PSMB8: variants seen among roughly 807,000 people sequenced by gnomAD.
PSMB8 encodes the protein proteasome subunit beta type-8.
PSMB8 carries 20 observed loss-of-function variants against 32.3 expected under a neutral mutation model. That is an observed-to-expected ratio of 0.62 (90% CI 0.44 to 0.90). The LOEUF is 0.90. Ranked by LOEUF, PSMB8 falls within the 40% of genes least tolerant of loss-of-function variation. The pLI, the probability that PSMB8 is intolerant of heterozygous loss-of-function variation, is 0.00. For missense variants in PSMB8, 342 were observed against 365.4 expected (o/e 0.94, Z 0.52); for synonymous variants, 131 against 135.4 (o/e 0.97, Z 0.23).
At chr6:32,841,264 G>A (rs916589512) in intron 5 of PSMB8, among the ~76,000 whole-genome samples, 66 of 151,992 alleles carry the variant, frequency 4.3e-4, no homozygotes, top group African/African-American at 1.5e-3. Flanking sequence ...TTGAGAAGGA[G>A]TCTCACTCTG....
Position 32,843,909 on chromosome 6 carries a change from G to A in PSMB8, c.88C>T (p.Pro30Ser), listed in dbSNP as rs772454646. ...PVAGSGRRSD[P>S]GHYSFSMRSP... Reference sequence around the variant, plus strand: ...CGCATAGAGAAACTGTAGTGTCCTGGGTCCGAGCGACGCCCGCTTCCCGCA... The same window carrying A: ...CGCATAGAGAAACTGTAGTGTCCTGAGTCCGAGCGACGCCCGCTTCCCGCA... Residue 30 changes from proline to serine, a missense_variant, in exon 1 of 6, where the codon CCA becomes TCA. Coordinates refer to ENST00000374882, the MANE Select transcript of PSMB8 (RefSeq NM_148919.4). The A allele has an allele frequency of 6.2e-7, 1 of 1,612,748 alleles. No individual in the cohort carries two copies. Among genetic ancestry groups the A allele is most frequent in the South Asian group, 1.1e-5 (1 of 91,060 alleles).
chr6:32,841,137 C>T, intron 5 of PSMB8, 90 bp from the exon 6 acceptor site: 1 of 1,128,214 alleles, frequency 8.9e-7, no homozygotes, highest in Non-Finnish European at 1.4e-6. Context: ...CAACAAGACA[C>T]ATGCGCAAGC....
At chr6:32,842,582 AC>A in intron 3 of PSMB8, 89 bp downstream of exon 3, 1 of 1,188,478 alleles carries the variant, frequency 8.4e-7, no homozygotes, top group African/African-American at 1.5e-5. Flanking sequence ...ACTAAGATGG[AC>A]CACATAGGAC....
chr6:32,841,141 C>T (rs961866277), intron 5 of PSMB8, 94 bp from the exon 6 acceptor site: 48 of 1,112,726 alleles, frequency 4.3e-5, no homozygotes, highest in Non-Finnish European at 5.8e-5. Context: ...AAGACACATG[C>T]GCAAGCTTAA....
chr6:32,841,143 C>A (rs1323902760), intron 5 of PSMB8, 96 bp from the exon 6 acceptor site: 4 of 1,099,638 alleles, frequency 3.6e-6, no homozygotes, highest in African/African-American at 3.1e-5. Flanking sequence ...GACACATGCG[C>A]AAGCTTAAAA....
At chr6:32,841,487 G>A (rs111402990) in intron 5 of PSMB8, 44 bp downstream of exon 5, 11 of 1,581,882 alleles carry the variant, frequency 7.0e-6, no homozygotes, top group Admixed American at 1.7e-5. Context: ...CCCACCACCC[G>A]CCGACTCCTC....
rs1385051034 is a variant in PSMB8, at chr6:32,843,925, G to A, written c.72C>T (p.Ser24=). 6.2e-7 allele frequency: 1 copy of A among 1,612,576 alleles called. No homozygotes were observed. The highest frequency in any genetic ancestry group is 2.2e-5 in the East Asian group (1 of 44,866). The part of the protein sequence containing the change: ...RPESALPVAG[S]GRRSDPGHYS... ...AGTGTCCTGGGTCCGAGCGACGCCC[G>A]CTTCCCGCAACCGGGAGAGCCGATT... The change falls in exon 1 of 6, where the codon AGC becomes AGT. Residue 24 remains serine (S), a synonymous_variant. Transcript: ENST00000374882.
chr6:32,842,369 G>A, intron 3 of PSMB8, 106 bp from the exon 4 acceptor site: 3 of 1,429,030 alleles, frequency 2.1e-6, no homozygotes, highest in Non-Finnish European at 2.9e-6. Flanking sequence ...TTATTTTGTA[G>A]GATCTAAAGA....
chr6:32,842,920 C>A, intron 2 of PSMB8, 22 bp downstream of exon 2: 4 of 1,613,892 alleles, frequency 2.5e-6, no homozygotes, highest in Non-Finnish European at 3.4e-6. Flanking sequence ...CAGATTCTGC[C>A]TGCTGGAGCG....
At chr6:32,841,242 CT>C (rs573768322) in intron 5 of PSMB8, among the ~76,000 whole-genome samples, 195 bp from the exon 6 acceptor site, 21 of 152,050 alleles carry the variant, frequency 1.4e-4, no homozygotes, top group African/African-American at 2.4e-4. Context: ...CAATCATTTT[CT>C]TTTTTTTCTT....
upstream of PSMB8, chr6:32,844,367 C>A: frequency 6.2e-7 from 1 of 1,613,946 alleles, no homozygotes. Flanking sequence ...AGAAGTCAGC[C>A]AGGAGCTGGG....
rs1409482230 is a variant in PSMB8, at chr6:32,841,518, A to G, written c.742+13T>C. The G allele has an allele frequency of 6.2e-7, 1 of 1,610,816 alleles. No individual in the cohort carries two copies. Among genetic ancestry groups the G allele is most frequent in the East Asian group, 2.2e-5 (1 of 44,878 alleles). ...TCCTCCCAGGCATGGTGGTGGGAGC[A>G]TTGGTCTCTTACTATTGACAACGCC... is the stretch of plus-strand genomic sequence containing the variant. On this transcript the variant is annotated intron_variant, in intron 5 of 5. Coordinates refer to ENST00000374882, the MANE Select transcript of PSMB8 (RefSeq NM_148919.4).
intron 4 of PSMB8, 21 bp from the exon 5 acceptor site, chr6:32,841,756 G>T: frequency 6.2e-7 from 1 of 1,606,500 alleles, no homozygotes; most frequent in Non-Finnish European, 8.5e-7. Flanking sequence ...AAAGATTTCA[G>T]GCTGAAATTG....
Position 32,843,956 on chromosome 6 carries a change from C to A in PSMB8, c.41G>T (p.Arg14Leu), listed in dbSNP as rs777438232. The change falls in exon 1 of 6, where the codon CGG (arginine) becomes CTG (leucine). Residue 14 changes from arginine (R) to leucine (L), a missense_variant. By Grantham distance (102) the Arg-to-Leu change is moderately radical. Coordinates refer to ENST00000374882, the MANE Select transcript of PSMB8 (RefSeq NM_148919.4). ...LDVCGAPRGQ[R>L]PESALPVAGS... Reference sequence around the variant, plus strand: ...CGCAACCGGGAGAGCCGATTCCGGCCGCTGCCCTCGGGGGGCTCCGCATAC... The same window carrying A: ...CGCAACCGGGAGAGCCGATTCCGGCAGCTGCCCTCGGGGGGCTCCGCATAC... 1 of 1,612,564 alleles carries A rather than the reference C, an allele frequency of 6.2e-7. No homozygotes were observed. The highest frequency in any genetic ancestry group is 8.5e-7 in the Non-Finnish European group (1 of 1,179,866).
intron 1 of PSMB8, 41 bp from the exon 2 acceptor site, chr6:32,843,130 C>A (rs746012992): frequency 6.2e-7 from 1 of 1,610,680 alleles, no homozygotes. Flanking sequence ...ATGAAAAATT[C>A]TGTAGTAAGA....
Position 32,844,037 on chromosome 6 carries a change from G to C in PSMB8, c.-41C>G, listed in dbSNP as rs775062318. The C allele has an allele frequency of 1.9e-6, 3 of 1,601,910 alleles. No individual in the cohort carries two copies. Among genetic ancestry groups the C allele is most frequent in the Non-Finnish European group, 2.6e-6 (3 of 1,172,840 alleles). ...AGAGATCTGTCCGCTCTCGGAGGAG[G>C]AAGTGAAAGCGAAAGCCACAGATCG... On this transcript the variant is annotated 5_prime_UTR_variant, in exon 1 of 6. Coordinates refer to ENST00000374882, the MANE Select transcript of PSMB8 (RefSeq NM_148919.4).
At position 32,842,741 on chromosome 6, in the gene PSMB8, A is replaced by C; in HGVS notation, c.338T>G (p.Leu113Arg). 1 of 1,614,234 alleles carries C rather than the reference A, an allele frequency of 6.2e-7. No individual in the cohort carries two copies. The highest frequency in any genetic ancestry group is 2.2e-5 in the East Asian group (1 of 44,892). ...TGCACAGCCAGACATGGTGCCAAGC[A>C]GGTAAGGGTTAATCTCAATCACCTT... ...VNKVIEINPY[L>R]LGTMSGCAAD... is the part of the protein sequence containing the mutation. Residue 113 changes from leucine (L) to arginine (R), a missense_variant, in exon 3 of 6, where the codon CTG becomes CGG. Physicochemically the swap from Leu to Arg is moderately radical, Grantham distance 102 (BLOSUM62 -2). Coordinates refer to ENST00000374882, the MANE Select transcript of PSMB8 (RefSeq NM_148919.4).
At chr6:32,842,413 A>G in intron 3 of PSMB8, 150 bp from the exon 4 acceptor site, 1 of 1,188,364 alleles carries the variant, frequency 8.4e-7, no homozygotes. Flanking sequence ...AGTATCTGAA[A>G]CATACAAAGG....
At chr6:32,841,762 A>T in intron 4 of PSMB8, 27 bp from the exon 5 acceptor site, 1 of 1,600,966 alleles carries the variant, frequency 6.2e-7, no homozygotes, top group Non-Finnish European at 8.6e-7. Context: ...TTCAGGCTGA[A>T]ATTGGAGAGG....
Sources: allele counts gnomAD v4.1 joint callset (sites outside exome capture counted in the v4.1 genomes callset), GRCh38; gene constraint gnomAD v4.1.1; transcripts MANE v1.5; gene names NCBI Gene and HGNC (gene_info 2026-07-23, HGNC 2026-07-21).